FCSK: variants seen among roughly 807,000 people sequenced by gnomAD.
FCSK encodes the protein fucose kinase.
In FCSK, 123 loss-of-function variants were observed where a neutral mutation model predicts 122.5. The ratio of observed to expected loss-of-function variants is 1.00; its 90% CI spans 0.87 to 1.17. FCSK has a LOEUF of 1.17. Among genes scored for constraint, FCSK ranks in the 50% most tolerant of loss-of-function variants. The pLI, the probability that FCSK is intolerant of heterozygous loss-of-function variation, is 0.00. For synonymous variants in FCSK, 620 were observed against 625.5 expected (o/e 0.99, Z 0.13); for missense variants, 1,366 against 1,450.4 (o/e 0.94, Z 0.95).
rs1303494104 is a variant in FCSK at position 70,474,897 on chromosome 16, A to G, written c.2263A>G (p.Ile755Val). The G allele has an allele frequency of 1.2e-6, 2 of 1,609,016 alleles. No homozygotes were observed. Among genetic ancestry groups the G allele is most frequent in the Non-Finnish European group, 1.7e-6 (2 of 1,178,320 alleles). The change falls in exon 18 of 24, where the codon ATC (isoleucine) becomes GTC (valine). Residue 755 changes from isoleucine (I) to valine (V), a missense_variant. Physicochemically the swap from Ile to Val is conservative, Grantham distance 29. Transcript: ENST00000288078. ...RRPIGARARR[I>V]PEPELWLAVG... ...GCCCATCGGAGCCAGGGCACGCCGC[A>G]TCCCGGAGCCTGAGCTGTGGCTGGC...
chr16:70,463,664 A>G lies in FCSK; in HGVS notation c.124A>G (p.Thr42Ala). 6.2e-7 allele frequency: 1 copy of G among 1,613,370 alleles called. No individual in the cohort carries two copies. Among genetic ancestry groups the G allele is most frequent in the Non-Finnish European group, 8.5e-7 (1 of 1,180,014 alleles). ...RQKREQIPAGTLLLAVEDPEK... is the reference protein window; with the variant it reads ...RQKREQIPAGALLLAVEDPEK... ...GAAGCGGGAGCAGATCCCTGCTGGG[A>G]CGCTGTTACTGGCCGTGGAGGACCC... Residue 42 changes from threonine (T) to alanine (A), a missense_variant, in exon 3 of 24, where the codon ACG becomes GCG. Physicochemically the swap from Thr to Ala is moderately conservative, Grantham distance 58. Transcript: ENST00000288078.
In FCSK at chr16:70,473,454, C is replaced by A; in HGVS notation, c.1777+101C>A. ...GAGGGGACTAGGGGACCATGAGGTG[C>A]TCAAGCAGGGAAGGGGCATGCTGGA... is the stretch of plus-strand genomic sequence containing the variant. On this transcript the variant is annotated intron_variant, in intron 15 of 23. Transcript: ENST00000288078. The surrounding 1 kb of genome is among the most constrained non-coding windows in gnomAD (Gnocchi z 4.9). 7.5e-7 allele frequency: 1 copy of A among 1,328,520 alleles called. No homozygotes were observed. The allele number at this position is 1,328,520 out of a possible 1,614,324, so 82.3% of individuals were successfully genotyped here.
chr16:70,461,467 G>A (rs1454992086), intron 1 of FCSK, among the ~76,000 whole-genome samples: 1 of 152,108 alleles, frequency 6.6e-6, no homozygotes, highest in Non-Finnish European at 1.5e-5. Context: ...GGGGGAGACA[G>A]GGGTGGGGGT....
intron 2 of FCSK, 108 bp downstream of exon 2, chr16:70,463,380 T>A: frequency 1.0e-6 from 1 of 984,780 alleles, no homozygotes. Flanking sequence ...CAAACCCAGA[T>A]TGCACTTCTC....
At chr16:70,466,658 C>T in intron 5 of FCSK, 1 of 574,374 alleles carries the variant, frequency 1.7e-6, no homozygotes, top group Non-Finnish European at 3.1e-6. Context: ...GATCGCACTA[C>T]TGCACTCCAG....
intron 1 of FCSK, among the ~76,000 whole-genome samples, chr16:70,459,001 C>T (rs1466596231): frequency 1.3e-5 from 2 of 151,428 alleles, no homozygotes; most frequent in Non-Finnish European, 2.9e-5. Flanking sequence ...TTGCTTGAGT[C>T]CAGGAGTTTG....
chr16:70,457,528 T>G (rs2151696467), intron 1 of FCSK, among the ~76,000 whole-genome samples: 1 of 152,294 alleles, frequency 6.6e-6, no homozygotes. Flanking sequence ...GTGCTGGGAT[T>G]CCGGATGTGA....
intron 3 of FCSK, 33 bp downstream of exon 3, chr16:70,463,807 G>A: frequency 6.3e-7 from 1 of 1,575,694 alleles, no homozygotes; most frequent in Admixed American, 1.8e-5. Context: ...TCCCTGGTCT[G>A]TGTCCCTGCT....
At chr16:70,469,462 C>G (rs1030850655) in intron 10 of FCSK, 139 bp downstream of exon 10, 5 of 707,666 alleles carry the variant, frequency 7.1e-6, no homozygotes, top group African/African-American at 3.6e-5. Context: ...CCAGAGCCCC[C>G]CACTGAGCTA....
chr16:70,471,138 T>G, intron 12 of FCSK, 44 bp from the exon 13 acceptor site: 1 of 1,590,880 alleles, frequency 6.3e-7, no homozygotes, highest in Non-Finnish European at 8.6e-7. Flanking sequence ...TTGGGGGGTG[T>G]TGGGTGCCTG....
intron 1 of FCSK, among the ~76,000 whole-genome samples, chr16:70,455,925 G>T (rs1391438930): frequency 6.6e-6 from 1 of 151,418 alleles, no homozygotes; most frequent in Non-Finnish European, 1.5e-5. Context: ...GCTTACACCT[G>T]TAATCCCAAC....
Position 70,474,835 on chromosome 16 carries a change from C to T in FCSK, c.2201C>T (p.Ala734Val). 1 of 1,593,586 alleles carries T rather than the reference C, an allele frequency of 6.3e-7. No homozygotes were observed. The highest frequency in any genetic ancestry group is 8.5e-7 in the Non-Finnish European group (1 of 1,170,974). Residue 734 changes from alanine to valine, a missense_variant, in exon 18 of 24, where the codon GCT becomes GTT. By Grantham distance (64) the Ala-to-Val change is moderately conservative. Transcript: ENST00000288078. ...CCCCTTGCCTATGAGCTTGGCGGGG[C>T]TGTGCTGGGCCTGGCTGTGCGAGTG... is the stretch of plus-strand genomic sequence containing the variant. ...TPPLAYELGG[A>V]VLGLAVRVDG... is the part of the protein sequence containing the mutation.
rs9931559 is a variant in FCSK, at chr16:70,469,073, G to A, written c.784-79G>A. The stretch of plus-strand genomic sequence containing the variant: ...TCTGGGGCAGAGTCTCCGCAGACGG[G>A]ACTGCCCTGGTTCAGCCTCAGAACT... On this transcript the variant is annotated intron_variant, in intron 9 of 23. Coordinates refer to ENST00000288078, the MANE Select transcript of FCSK (RefSeq NM_145059.3). 1,718 of 1,607,286 alleles carry A rather than the reference G, an allele frequency of 1.1e-3. 11 individuals carry two copies. In the African/African-American group the frequency reaches 0.019, roughly 18 times the overall value.
Position 70,473,473 on chromosome 16 carries a change from T to C in FCSK, c.1777+120T>C. 1 of 1,218,674 alleles carries C rather than the reference T, an allele frequency of 8.2e-7. No individual in the cohort carries two copies. The highest frequency in any genetic ancestry group is 1.1e-6 in the Non-Finnish European group (1 of 910,578). 75.5% of individuals were successfully genotyped at this position (1,218,674 alleles called of 1,614,324 possible). ...GAGGTGCTCAAGCAGGGAAGGGGCATGCTGGAGTTTACTTTTAGGATTCTG... is the reference window on the plus strand; with the variant it reads ...GAGGTGCTCAAGCAGGGAAGGGGCACGCTGGAGTTTACTTTTAGGATTCTG... On this transcript the variant is annotated intron_variant, in intron 15 of 23. Transcript: ENST00000288078. This position sits in a 1 kb window ranked among gnomAD's most constrained non-coding sequence, Gnocchi z 4.9.
intron 8 of FCSK, among the ~76,000 whole-genome samples, 170 bp downstream of exon 8, chr16:70,468,136 A>T (rs2048483794): frequency 6.6e-6 from 1 of 152,206 alleles, no homozygotes; most frequent in Admixed American, 6.5e-5. Context: ...GAAAGCCTAG[A>T]ACCAGGCGGG....
chr16:70,463,595 C>T, intron 2 of FCSK, 28 bp from the exon 3 acceptor site: 2 of 1,610,236 alleles, frequency 1.2e-6, no homozygotes, highest in Non-Finnish European at 1.7e-6. Context: ...AGCTGGGGGG[C>T]AGGTCCCAGT....
chr16:70,474,497 A>T (rs1567709825), intron 16 of FCSK, 31 bp from the exon 17 acceptor site: 1 of 1,546,214 alleles, frequency 6.5e-7, no homozygotes, highest in Admixed American at 2.0e-5. Context: ...TTGGGGCTGC[A>T]TGCCACCATC....
At chr16:70,469,119 T>C in intron 9 of FCSK, 33 bp from the exon 10 acceptor site, 2 of 1,613,280 alleles carry the variant, frequency 1.2e-6, no homozygotes, top group Non-Finnish European at 1.7e-6. Context: ...ACCCCTGCCA[T>C]GCCAATAGCT....
At chr16:70,456,946 G>A (rs1229187901) in intron 1 of FCSK, among the ~76,000 whole-genome samples, 2 of 152,116 alleles carry the variant, frequency 1.3e-5, no homozygotes, top group African/African-American at 2.4e-5. Flanking sequence ...CTTGAACCTG[G>A]GAGGCGGAGG....
Sources: gnomAD v4.1 joint callset for allele counts (sites outside exome capture counted in the v4.1 genomes callset) on GRCh38, gnomAD v4.1.1 for gene constraint, Gnocchi (gnomAD v3.1) non-coding constraint, MANE v1.5 for transcripts, NCBI Gene and HGNC (gene_info 2026-07-23, HGNC 2026-07-21) for gene names.